The following DDHD1 variants were observed in gnomAD, a reference collection of about 807,000 sequenced individuals.
DDHD1 encodes DDHD domain containing 1.
In DDHD1, 49 loss-of-function variants were observed where a neutral mutation model predicts 96.4. The ratio of observed to expected loss-of-function variants is 0.51; its 90% CI spans 0.40 to 0.64. The LOEUF (loss-of-function observed/expected upper bound fraction) is 0.64. Among genes scored for constraint, DDHD1 ranks in the 30% least tolerant of loss-of-function variants. DDHD1 has a pLI of 0.00. For synonymous variants in DDHD1, 442 were observed against 446.5 expected (o/e 0.99, Z 0.13); for missense variants, 1,106 against 1,161.2 (o/e 0.95, Z 0.69).
chr14:53,150,951 C>T (rs1374558507), intron 1 of DDHD1, among the ~76,000 whole-genome samples: 1 of 152,020 alleles, frequency 6.6e-6, no homozygotes, highest in Admixed American at 6.5e-5. Context: ...GTAATGAATG[C>T]CTTTAGTATC....
At chr14:53,058,654 T>C in intron 8 of DDHD1, 28 bp from the exon 9 acceptor site, 1 of 1,569,998 alleles carries the variant, frequency 6.4e-7, no homozygotes, top group Non-Finnish European at 8.6e-7. Flanking sequence ...TCTTAAAGTT[T>C]AAAAATGGTG....
chr14:53,150,329 T>G (rs549678347), intron 1 of DDHD1, among the ~76,000 whole-genome samples: 9 of 152,224 alleles, frequency 5.9e-5, no homozygotes, highest in Admixed American at 5.2e-4. Flanking sequence ...CAGAAGCTCT[T>G]TGCATACTGC....
intron 6 of DDHD1, 33 bp downstream of exon 6, chr14:53,072,564 A>ATT: frequency 1.5e-6 from 2 of 1,317,956 alleles, no homozygotes; most frequent in Non-Finnish European, 2.1e-6. Context: ...ATCACTAAAA[A>ATT]ATACCCACCA....
At chr14:53,151,794 C>A (rs1321828812) in intron 1 of DDHD1, among the ~76,000 whole-genome samples, 1 of 152,202 alleles carries the variant, frequency 6.6e-6, no homozygotes, top group East Asian at 1.9e-4. Context: ...TCCAGGGATT[C>A]TTTTACTTTT....
At chr14:53,077,073 C>T (rs1885024132) in intron 4 of DDHD1, among the ~76,000 whole-genome samples, 1 of 152,136 alleles carries the variant, frequency 6.6e-6, no homozygotes, top group South Asian at 2.1e-4. Context: ...TAGAGTTACT[C>T]AGAGTCCGAT....
At position 53,103,040 on chromosome 14, in the gene DDHD1, T is replaced by C. The variant is rs1887426738; in HGVS notation, c.1012+643A>G. ...GTACAGTTATACTCACCAGAATAGT[T>C]GATCCCACTGCCTGCAGTAAATGGA... On this transcript the variant is annotated intron_variant, in intron 2 of 12. Coordinates refer to ENST00000673822, the MANE Select transcript of DDHD1 (RefSeq NM_001160148.2). The C allele has an allele frequency of 1.9e-6, 3 of 1,568,874 alleles. No homozygotes were observed. The African/African-American group carries it at 4.0e-5, about 21-fold the overall frequency.
chr14:53,061,225 T>C lies in DDHD1; in HGVS notation c.1767-24A>G, dbSNP rs199730320. ...GCCTAAGAAGGGGTATGAGATTATA[T>C]ACACACACGTATTTATAATTTCATA... On this transcript the variant is annotated intron_variant, in intron 7 of 12. Transcript: ENST00000673822. 6.4e-6 allele frequency: 10 copies of C among 1,573,726 alleles called. No individual in the cohort carries two copies. The East Asian group carries it at 1.8e-4, about 28-fold the overall frequency.
chr14:53,062,944 G>T lies in DDHD1; in HGVS notation c.1765C>A (p.Arg589=). The change falls in exon 7 of 13, where the codon CGG becomes AGG. Residue 589 remains arginine (R), a splice_region_variant and synonymous_variant. Coordinates refer to ENST00000673822, the MANE Select transcript of DDHD1 (RefSeq NM_001160148.2). The part of the protein sequence containing the change: ...LLDELYITKR[R]LKEIEERLHG... ...TTTCAAAAGATGAGGATATTTTACC[G>T]TCGTTTAGTTATATAGAGTTCATCA... The T allele has an allele frequency of 1.9e-6, 3 of 1,609,318 alleles. No homozygotes were observed. Among genetic ancestry groups the T allele is most frequent in the Non-Finnish European group, 2.5e-6 (3 of 1,176,894 alleles).
intron 1 of DDHD1, among the ~76,000 whole-genome samples, chr14:53,130,130 A>G (rs184033268): frequency 2.0e-5 from 3 of 151,696 alleles, no homozygotes; most frequent in African/African-American, 4.8e-5. Context: ...CCAGGTCCCA[A>G]TTCTTCCTTG....
chr14:53,152,855 G>A lies in DDHD1; in HGVS notation c.244C>T (p.Pro82Ser). 1.2e-6 allele frequency: 2 copies of A among 1,611,918 alleles called. No homozygotes were observed. Among genetic ancestry groups the A allele is most frequent in the African/African-American group, 1.3e-5 (1 of 74,906 alleles). The part of the protein sequence containing the change: ...DDHNHHLALD[P>S]CLSDENYDFS... ...TCATAGTTCTCGTCACTGAGGCAGG[G>A]GTCCAGCGCGAGGTGGTGGTTGTGG... The change falls in exon 1 of 13, where the codon CCC (proline) becomes TCC (serine). Residue 82 changes from proline (P) to serine (S), a missense_variant. Physicochemically the swap from Pro to Ser is moderately conservative, Grantham distance 74 (BLOSUM62 -1). This residue lies in a region of DDHD1 where 456 missense variants were observed against 402.4 expected (regional missense o/e 1.13). Transcript: ENST00000673822.
In DDHD1 at chr14:53,134,597, T is replaced by TAAA. The variant is rs35451633; in HGVS notation, c.838+17661_838+17663dup. 6.1e-4 allele frequency among the ~76,000 whole-genome samples: 78 copies of TAAA among 128,018 alleles called. No homozygotes were observed. In the East Asian group the frequency reaches 6.7e-3, roughly 11 times the overall value. The allele number at this position is 128,018 out of a possible 152,430, so 84.0% of individuals were successfully genotyped here. On this transcript the variant is annotated intron_variant, in intron 1 of 12. Transcript: ENST00000673822. ...CCGAGGCCTCGACCTTACTCACTGCTAAAAAAAAAAAAAAAAGAGCAGACT... is the reference window on the plus strand; with the variant it reads ...CCGAGGCCTCGACCTTACTCACTGCTAAAAAAAAAAAAAAAAAAAGAGCAGACT...
chr14:53,137,583 C>T (rs1329407750), intron 1 of DDHD1, among the ~76,000 whole-genome samples: 3 of 151,878 alleles, frequency 2.0e-5, no homozygotes, highest in African/African-American at 7.3e-5. Flanking sequence ...CACAGTGAGA[C>T]TCTTTCTCAA....
intron 1 of DDHD1, among the ~76,000 whole-genome samples, chr14:53,107,472 C>G (rs1887773974): frequency 6.6e-6 from 1 of 152,038 alleles, no homozygotes. Context: ...TTCATCACAC[C>G]AATCAGAAAA....
intron 10 of DDHD1, among the ~76,000 whole-genome samples, 179 bp from the exon 11 acceptor site, chr14:53,054,808 T>C (rs2139836205): frequency 6.6e-6 from 1 of 152,252 alleles, no homozygotes; most frequent in East Asian, 1.9e-4. Flanking sequence ...AAATGGTGAA[T>C]AGAATGAGAG....
chr14:53,049,348 C>T (rs938580604), intron 12 of DDHD1, among the ~76,000 whole-genome samples: 1 of 152,194 alleles, frequency 6.6e-6, no homozygotes, highest in Non-Finnish European at 1.5e-5. Flanking sequence ...AAAGGTTTAC[C>T]CCAGGCAGTC....
chr14:53,093,442 C>G lies in DDHD1; in HGVS notation c.1015G>C (p.Val339Leu). The change falls in exon 3 of 13, where the codon GTT becomes CTT. Residue 339 changes from valine to leucine, a missense_variant and splice_region_variant. By Grantham distance (32) the Val-to-Leu change is conservative. Transcript: ENST00000673822. ...TTTCGACTCAACTTGAAACTATGAA[C>G]AGCTATTGCAAAAAGGAAAAGCTAA... ...VSKSIDGKDAVHSFKLSRNHV... is the reference protein window; with the variant it reads ...VSKSIDGKDALHSFKLSRNHV... 6.2e-7 allele frequency: 1 copy of G among 1,606,626 alleles called. No homozygotes were observed. The highest frequency in any genetic ancestry group is 8.5e-7 in the Non-Finnish European group (1 of 1,177,930).
intron 1 of DDHD1, among the ~76,000 whole-genome samples, chr14:53,122,955 G>T (rs952508104): frequency 5.9e-5 from 9 of 151,812 alleles, no homozygotes; most frequent in Middle Eastern, 3.2e-3. Context: ...TACAGAAGGA[G>T]AAACCCAAAT....
At chr14:53,077,676 T>G (rs1885091534) in intron 4 of DDHD1, among the ~76,000 whole-genome samples, 1 of 151,116 alleles carries the variant, frequency 6.6e-6, no homozygotes. Context: ...TTTGTTTTTT[T>G]TTTTTAAAAA....
chr14:53,123,011 TGAGA>T, intron 1 of DDHD1, among the ~76,000 whole-genome samples: 1 of 152,010 alleles, frequency 6.6e-6, no homozygotes, highest in South Asian at 2.1e-4. Context: ...TCACCGGTAA[TGAGA>T]GAGACAGACA....
Sources: allele counts gnomAD v4.1 joint callset (sites outside exome capture counted in the v4.1 genomes callset), GRCh38; gene constraint gnomAD v4.1.1; regional missense constraint gnomAD v4.1.1; transcripts MANE v1.5; gene names NCBI Gene and HGNC (gene_info 2026-07-23, HGNC 2026-07-21).